The following INPP5E variants were observed in gnomAD, a reference collection of about 807,000 sequenced individuals.
INPP5E encodes phosphatidylinositol polyphosphate 5-phosphatase type IV.
Under a neutral mutation model 50.5 loss-of-function variants are expected in INPP5E, and 34 were observed. That is an observed-to-expected ratio of 0.67 (90% CI 0.51 to 0.90). The LOEUF is 0.90. Among genes scored for constraint, INPP5E ranks in the 40% least tolerant of loss-of-function variants. INPP5E has a pLI of 0.00. For missense variants in INPP5E, 942 were observed against 905.5 expected (o/e 1.04, Z -0.52); for synonymous variants, 447 against 406.0 (o/e 1.10, Z -1.21).
intron 9 of INPP5E, 37 bp from the exon 10 acceptor site, chr9:136,429,844 G>A (rs750470490): frequency 6.2e-7 from 1 of 1,604,362 alleles, no homozygotes; most frequent in South Asian, 1.1e-5. Context: ...GGGCACCCAG[G>A]GCCAGGAGGA....
chr9:136,439,397 A>G lies in INPP5E; in HGVS notation c.23T>C (p.Leu8Pro). 6.8e-7 allele frequency: 1 copy of G among 1,465,606 alleles called. No homozygotes were observed. Among genetic ancestry groups the G allele is most frequent in the South Asian group, 1.3e-5 (1 of 75,802 alleles). 90.8% of individuals were successfully genotyped at this position (1,465,606 alleles called of 1,614,324 possible). A position where few individuals can be genotyped will look rare whatever the true frequency, so the allele number is the denominator to read the frequency against. MPSKAENLRPSEPAPQPP... is the reference protein window; with the variant it reads MPSKAENPRPSEPAPQPP... ...CTGCGGGGCCGGCTCGGAGGGCCGCAGATTCTCCGCCTTGGACGGCATGGA... is the reference window on the plus strand; with the variant it reads ...CTGCGGGGCCGGCTCGGAGGGCCGCGGATTCTCCGCCTTGGACGGCATGGA... Residue 8 changes from leucine (L) to proline (P), a missense_variant, in exon 1 of 10, where the codon CTG becomes CCG. By Grantham distance (98) the Leu-to-Pro change is moderately conservative (BLOSUM62 -3). Coordinates refer to ENST00000371712, the MANE Select transcript of INPP5E (RefSeq NM_019892.6).
rs776792436 is a variant in INPP5E, at chr9:136,430,408, G to T, written c.1671C>A (p.Arg557=). 1.3e-6 allele frequency: 2 copies of T among 1,555,516 alleles called. No individual in the cohort carries two copies. The highest frequency in any genetic ancestry group is 3.9e-5 in the Admixed American group (2 of 51,186). ...SKQRTPSYTD[R]VLYRSRHKGD... The stretch of plus-strand genomic sequence containing the variant: ...CCTTGTGGCGGCTTCTGTACAAGAC[G>T]CGGTCCTTTGGGAAGATTGCAGAGG... Residue 557 remains arginine, a synonymous_variant, in exon 9 of 10, where the codon CGC becomes CGA. Coordinates refer to ENST00000371712, the MANE Select transcript of INPP5E (RefSeq NM_019892.6).
Position 136,434,063 on chromosome 9 carries a change from G to A in INPP5E, c.1008C>T (p.Ile336=), listed in dbSNP as rs748874713. 12 of 1,610,482 alleles carry A rather than the reference G, an allele frequency of 7.5e-6. No individual in the cohort carries two copies. The highest frequency in any genetic ancestry group is 1.3e-5 in the African/African-American group (1 of 75,042). ...TGTCAGAACAGCCCTCCTGGACCCC[G>A]ATGACATACAGGTCCTGGGCATAGT... ...EADYAQDLYV[I]GVQEGCSDRR... is the part of the protein sequence containing the mutation. The change falls in exon 3 of 10, where the codon ATC becomes ATT. Residue 336 remains isoleucine (I), a synonymous_variant. Transcript: ENST00000371712.
At position 136,428,900 on chromosome 9, in the gene INPP5E, GAAGC is replaced by G. The variant is rs1835633968; in HGVS notation, c.*771_*774del. On this transcript the variant is annotated 3_prime_UTR_variant, in exon 10 of 10. Coordinates refer to ENST00000371712, the MANE Select transcript of INPP5E (RefSeq NM_019892.6). ...ATGTCATTCCGCGGCTGGAGTTAAA[GAAGC>G]AAACGGTCTACGTCACCAAGACCAT... The G allele has an allele frequency of 1.3e-5, 2 of 152,624 alleles. No individual in the cohort carries two copies. Among genetic ancestry groups the G allele is most frequent in the Admixed American group, 1.3e-4 (2 of 15,310 alleles). The allele number at this position is 152,624 out of a possible 1,614,324, so 9.5% of individuals were successfully genotyped here. A position where few individuals can be genotyped will look rare whatever the true frequency, so the allele number is the denominator to read the frequency against.
Position 136,438,852 on chromosome 9 carries a change from G to T in INPP5E, c.568C>A (p.Pro190Thr), listed in dbSNP as rs1275095998. 1 of 1,603,300 alleles carries T rather than the reference G, an allele frequency of 6.2e-7. No individual in the cohort carries two copies. The highest frequency in any genetic ancestry group is 1.1e-5 in the South Asian group (1 of 90,068). ...GSSPRLPSLLPPRPPPALSLD... is the reference protein window; with the variant it reads ...GSSPRLPSLLTPRPPPALSLD... Reference sequence around the variant, plus strand: ...CTCAGGGCAGGCGGTGGGCGCGGGGGCAGCAGGCTGGGCAGCCTGGGCGAG... The same window carrying T: ...CTCAGGGCAGGCGGTGGGCGCGGGGTCAGCAGGCTGGGCAGCCTGGGCGAG... The change falls in exon 1 of 10, where the codon CCC (proline) becomes ACC (threonine). Residue 190 changes from proline (P) to threonine (T), a missense_variant. Coordinates refer to ENST00000371712, the MANE Select transcript of INPP5E (RefSeq NM_019892.6).
chr9:136,436,935 C>CT (rs1174782522), intron 1 of INPP5E: 1 of 152,242 alleles, frequency 6.6e-6, no homozygotes, highest in African/African-American at 2.4e-5. Flanking sequence ...AAAACAATGA[C>CT]TTGAGGGTCC....
intron 5 of INPP5E, 41 bp from the exon 6 acceptor site, chr9:136,432,627 A>G (rs946474829): frequency 1.7e-5 from 23 of 1,320,860 alleles, no homozygotes; most frequent in Non-Finnish European, 2.3e-5. Context: ...AGGGTTCCGG[A>G]TGCTCGAGTC....
intron 3 of INPP5E, among the ~76,000 whole-genome samples, 196 bp from the exon 4 acceptor site, chr9:136,433,475 TC>T (rs1835761139): frequency 6.6e-6 from 1 of 152,114 alleles, no homozygotes; most frequent in Non-Finnish European, 1.5e-5. Context: ...AGGCCCCAGT[TC>T]CACTTGAGTG....
intron 3 of INPP5E, 122 bp from the exon 4 acceptor site, chr9:136,433,401 C>G: frequency 7.2e-7 from 1 of 1,396,588 alleles, no homozygotes; most frequent in Non-Finnish European, 9.5e-7. Context: ...GCCTTGGTGT[C>G]TTGCGCGGAG....
In INPP5E at chr9:136,438,788, T is replaced by A; in HGVS notation, c.632A>T (p.Lys211Met). The A allele has an allele frequency of 6.2e-7, 1 of 1,612,162 alleles. No individual in the cohort carries two copies. The highest frequency in any genetic ancestry group is 1.1e-5 in the South Asian group (1 of 91,064). Residue 211 changes from lysine to methionine, a missense_variant, in exon 1 of 10, where the codon AAG (lysine) becomes ATG (methionine). Physicochemically the swap from Lys to Met is moderately conservative, Grantham distance 95. Transcript: ENST00000371712. Reference protein sequence around the residue: ...IASDSLRTANKVDSDLADYKL... With the variant: ...IASDSLRTANMVDSDLADYKL... ...GTAGTCTGCAAGATCCGAGTCGACC[T>A]TGTTTGCTGTCCTCAGGGAGTCGGA... is the stretch of plus-strand genomic sequence containing the variant.
rs372545147 is a variant in INPP5E at position 136,430,425 on chromosome 9, T to C, written c.1666-12A>G. 2.8e-5 allele frequency: 44 copies of C among 1,554,222 alleles called. No individual in the cohort carries two copies. The highest frequency in any genetic ancestry group is 5.9e-5 in the South Asian group (5 of 84,322). ...TACAAGACGCGGTCCTTTGGGAAGA[T>C]TGCAGAGGCAGGAGGTCCAGTTACT... On this transcript the variant is annotated splice_polypyrimidine_tract_variant and intron_variant, in intron 8 of 9. Coordinates refer to ENST00000371712, the MANE Select transcript of INPP5E (RefSeq NM_019892.6).
Position 136,429,662 on chromosome 9 carries a change from CG to C in INPP5E, c.*12del. ...ACCCCACGTTGCAGCTGTGAGTCCT[CG>C]TTCAGCAAACTTCAAGAAACGGAGC... On this transcript the variant is annotated 3_prime_UTR_variant, in exon 10 of 10. Coordinates refer to ENST00000371712, the MANE Select transcript of INPP5E (RefSeq NM_019892.6). 1 of 1,613,854 alleles carries C rather than the reference CG, an allele frequency of 6.2e-7. No homozygotes were observed.
In INPP5E at chr9:136,438,364, G is replaced by A. The variant is rs142741262; in HGVS notation, c.812+244C>T. 760 of 594,708 alleles carry A rather than the reference G, an allele frequency of 1.3e-3. 12 individuals are homozygous for A. In the East Asian group the frequency reaches 0.019, roughly 15 times the overall value. The allele number at this position is 594,708 out of a possible 1,614,324, so 36.8% of individuals were successfully genotyped here. A position where few individuals can be genotyped will look rare whatever the true frequency, so the allele number is the denominator to read the frequency against. The stretch of plus-strand genomic sequence containing the variant: ...CCAGATACGTAATTGTATGCAGGAT[G>A]CCATCCTGTCTACCTTAACACAACG... On this transcript the variant is annotated intron_variant, in intron 1 of 9. Coordinates refer to ENST00000371712, the MANE Select transcript of INPP5E (RefSeq NM_019892.6).
rs142759730 is a variant in INPP5E, at chr9:136,429,749, G to A, written c.1861C>T (p.Arg621Trp). Reference sequence around the variant, plus strand: ...TGCCTCTGAATCTCCTTCGAAATCCGTCTTTTAATTCCTAGTAAGTACAGT... The same window carrying A: ...TGCCTCTGAATCTCCTTCGAAATCCATCTTTTAATTCCTAGTAAGTACAGT... ...RELYLLGIKR[R>W]ISKEIQRQQA... Residue 621 changes from arginine to tryptophan, a missense_variant, in exon 10 of 10, where the codon CGG becomes TGG. Physicochemically the swap from Arg to Trp is moderately radical, Grantham distance 101. Transcript: ENST00000371712. 20 of 1,613,568 alleles carry A rather than the reference G, an allele frequency of 1.2e-5. No individual in the cohort carries two copies. Among genetic ancestry groups the A allele is most frequent in the African/African-American group, 8.0e-5 (6 of 74,810 alleles).
At chr9:136,438,325 A>T in intron 1 of INPP5E, 1 of 563,368 alleles carries the variant, frequency 1.8e-6, no homozygotes, top group Non-Finnish European at 3.2e-6. Flanking sequence ...CCCAAGACTA[A>T]ACAAGAAAAA....
Position 136,439,228 on chromosome 9 carries a change from T to A in INPP5E, c.192A>T (p.Pro64=). 1 of 1,528,628 alleles carries A rather than the reference T, an allele frequency of 6.5e-7. No homozygotes were observed. Among genetic ancestry groups the A allele is most frequent in the Non-Finnish European group, 8.7e-7 (1 of 1,143,284 alleles). 94.7% of individuals were successfully genotyped at this position (1,528,628 alleles called of 1,614,324 possible). A position where few individuals can be genotyped will look rare whatever the true frequency, so the allele number is the denominator to read the frequency against. Residue 64 remains proline (P), a synonymous_variant, in exon 1 of 10, where the codon CCA becomes CCT. Coordinates refer to ENST00000371712, the MANE Select transcript of INPP5E (RefSeq NM_019892.6). Reference sequence around the variant, plus strand: ...GCGGGGCGATGGGTGCTGCTCGGGCTGGCGGGTCCTCGCCGCTGGGCGTGG... The same window carrying A: ...GCGGGGCGATGGGTGCTGCTCGGGCAGGCGGGTCCTCGCCGCTGGGCGTGG... ...TPATPSGEDP[P]ARAAPIAPRP...
Position 136,431,809 on chromosome 9 carries a change from C to T in INPP5E, c.1549+15G>A, listed in dbSNP as rs1287371911. 4 of 1,574,770 alleles carry T rather than the reference C, an allele frequency of 2.5e-6. No individual in the cohort carries two copies. Among genetic ancestry groups the T allele is most frequent in the Non-Finnish European group, 3.4e-6 (4 of 1,163,678 alleles). On this transcript the variant is annotated intron_variant, in intron 7 of 9. Transcript: ENST00000371712. ...CTCCTCATCTCCCTCCATGCCCGCC[C>T]CCCCAGGCCCTCACCTTTCCGCATC...
chr9:136,439,597 T>G lies in INPP5E; in HGVS notation c.-178A>C. ...GCTGCCGCATGGCCCGGGCCCCGAG[T>G]CCCGCCAGCCCCTCGGGGCTCCCAG... is the stretch of plus-strand genomic sequence containing the variant. On this transcript the variant is annotated 5_prime_UTR_variant, in exon 1 of 10. Coordinates refer to ENST00000371712, the MANE Select transcript of INPP5E (RefSeq NM_019892.6). 5.1e-6 allele frequency: 2 copies of G among 395,820 alleles called. No individual in the cohort carries two copies. Among genetic ancestry groups the G allele is most frequent in the Non-Finnish European group, 8.6e-6 (2 of 231,728 alleles). 24.5% of individuals were successfully genotyped at this position (395,820 alleles called of 1,614,324 possible).
At position 136,438,987 on chromosome 9, in the gene INPP5E, C is replaced by T. The variant is rs752649797; in HGVS notation, c.433G>A (p.Gly145Arg). 6.3e-7 allele frequency: 1 copy of T among 1,584,778 alleles called. No individual in the cohort carries two copies. The highest frequency in any genetic ancestry group is 1.1e-5 in the South Asian group (1 of 87,330). The stretch of plus-strand genomic sequence containing the variant: ...CTCCCTCTCTCACTGCTCAGGACCC[C>T]GCGGGACTTGGGGATTTCCTGCAAG... ...TSLQEIPKSR[G>R]VLSSERGSPS... Residue 145 changes from glycine to arginine, a missense_variant, in exon 1 of 10, where the codon GGG (glycine) becomes AGG (arginine). Gly to Arg is a moderately radical substitution (Grantham distance 125). Transcript: ENST00000371712.
Sources: gnomAD v4.1 joint callset for allele counts (sites outside exome capture counted in the v4.1 genomes callset) on GRCh38, gnomAD v4.1.1 for gene constraint, MANE v1.5 for transcripts, NCBI Gene and HGNC (gene_info 2026-07-23, HGNC 2026-07-21) for gene names.